FRMPD4: variants seen among roughly 807,000 people sequenced by gnomAD.
The protein encoded by FRMPD4 is FERM and PDZ domain containing 4.
A neutral mutation model predicts 94.1 loss-of-function variants in FRMPD4; 22 were observed. The ratio of observed to expected loss-of-function variants is 0.23; its 90% CI spans 0.17 to 0.33. The LOEUF is 0.33. Among genes scored for constraint, FRMPD4 ranks in the 10% least tolerant of loss-of-function variants. FRMPD4 has a pLI of 1.00. For missense variants in FRMPD4, 1,111 were observed against 1,339.9 expected (o/e 0.83, Z 2.67); for synonymous variants, 631 against 548.6 (o/e 1.15, Z -2.10).
At chrX:12,401,538 A>T (rs956974064) in intron 1 of FRMPD4, among the ~76,000 whole-genome samples, 3 of 111,527 alleles carry the variant, frequency 2.7e-5, no homozygotes, top group Non-Finnish European at 5.7e-5. Context: ...CTTATCTCCC[A>T]ACACTCTCCC....
intron 3 of FRMPD4, among the ~76,000 whole-genome samples, chrX:12,001,389 A>T (rs1395288688): frequency 1.8e-5 from 2 of 112,314 alleles, no homozygotes; most frequent in Non-Finnish European, 3.8e-5. Context: ...CTTGACAATC[A>T]CTCAGAACCT....
At chrX:12,676,944 C>T (rs1411165114) in intron 5 of FRMPD4, among the ~76,000 whole-genome samples, 1 of 111,903 alleles carries the variant, frequency 8.9e-6, no homozygotes, top group African/African-American at 3.3e-5. Flanking sequence ...TTTGACTTTC[C>T]TTTGACCACT....
intron 1 of FRMPD4, among the ~76,000 whole-genome samples, chrX:12,379,296 G>A (rs2056286195): frequency 8.9e-6 from 1 of 111,997 alleles, no homozygotes; most frequent in Non-Finnish European, 1.9e-5. Context: ...CTATAAACTT[G>A]TGCCTAGTAA....
rs376423451 is a variant in FRMPD4, at chrX:12,718,639, C to T, written c.3813C>T (p.His1271=). 168 of 1,208,156 alleles carry T rather than the reference C, an allele frequency of 1.4e-4. No homozygotes were observed. The highest frequency in any genetic ancestry group is 7.0e-4 in the South Asian group (40 of 56,758). Residue 1271 remains histidine (H), a synonymous_variant, in exon 16 of 17, where the codon CAC becomes CAT. Coordinates refer to ENST00000675598, the MANE Select transcript of FRMPD4 (RefSeq NM_001368397.1). The part of the protein sequence containing the change: ...SEERAPGLPN[H]GATFKELHPQ... ...AGAGAGCCCCTGGGCTTCCCAACCA[C>T]GGAGCCACCTTTAAGGAACTGCACC...
intron 3 of FRMPD4, among the ~76,000 whole-genome samples, chrX:11,999,170 C>T (rs1170731181): frequency 9.0e-6 from 1 of 111,354 alleles, no homozygotes; most frequent in Non-Finnish European, 1.9e-5. Flanking sequence ...AGATGGTTTC[C>T]TGTGGAACTG....
intron 3 of FRMPD4, among the ~76,000 whole-genome samples, chrX:11,886,843 T>G (rs1291987468): frequency 9.0e-6 from 1 of 111,133 alleles, no homozygotes; most frequent in Non-Finnish European, 1.9e-5. Flanking sequence ...TCAGAACTTT[T>G]GTACTAATTG....
intron 2 of FRMPD4, among the ~76,000 whole-genome samples, chrX:12,504,795 T>G (rs1033867654): frequency 8.9e-6 from 1 of 112,552 alleles, no homozygotes; most frequent in African/African-American, 3.2e-5. Flanking sequence ...GGCTGTTTCA[T>G]TTTCCCTATG....
At chrX:12,035,459 T>TA (rs1351909214) in intron 3 of FRMPD4, among the ~76,000 whole-genome samples, 1 of 112,104 alleles carries the variant, frequency 8.9e-6, no homozygotes, top group Non-Finnish European at 1.9e-5. Context: ...TATAACATGG[T>TA]AACTTTGAGC....
At chrX:12,198,592 T>A (rs1408289618) in intron 1 of FRMPD4, among the ~76,000 whole-genome samples, 3 of 111,790 alleles carry the variant, frequency 2.7e-5, no homozygotes, top group South Asian at 3.8e-4. Context: ...AGTGCCATTT[T>A]ACATCATTCT....
At chrX:12,175,639 G>A (rs1015536633) in intron 1 of FRMPD4, among the ~76,000 whole-genome samples, 2 of 111,820 alleles carry the variant, frequency 1.8e-5, no homozygotes, top group Admixed American at 9.5e-5. Context: ...TCAGCCTCCC[G>A]AGTAGCTGGG....
chrX:12,664,802 G>T (rs1044050557), intron 4 of FRMPD4, among the ~76,000 whole-genome samples: 1 of 111,747 alleles, frequency 8.9e-6, no homozygotes, highest in Non-Finnish European at 1.9e-5. Flanking sequence ...TTGTAACTCC[G>T]ATAGAATTTG....
chrX:12,439,808 G>A (rs746438522), intron 1 of FRMPD4, among the ~76,000 whole-genome samples: 63 of 111,776 alleles, frequency 5.6e-4, no homozygotes, highest in African/African-American at 2.0e-3. Context: ...TTAAAATGCC[G>A]TATTTTGACT....
chrX:11,840,284 C>A (rs1470619018), intron 1 of FRMPD4, among the ~76,000 whole-genome samples: 2 of 111,383 alleles, frequency 1.8e-5, no homozygotes, highest in Non-Finnish European at 3.8e-5. Flanking sequence ...AAATATTACA[C>A]TTCTTTTGTT....
intron 1 of FRMPD4, among the ~76,000 whole-genome samples, chrX:12,458,722 G>A (rs1384276378): frequency 9.0e-6 from 1 of 111,487 alleles, no homozygotes; most frequent in Non-Finnish European, 1.9e-5. Context: ...CAGCTTCAAG[G>A]GGAAGGGAAA....
intron 3 of FRMPD4, among the ~76,000 whole-genome samples, chrX:11,962,236 G>T (rs2054287694): frequency 8.9e-6 from 1 of 111,904 alleles, no homozygotes. Context: ...TAAAGTATTT[G>T]GTGTCTGGTG....
At chrX:12,233,308 A>G (rs2057033316) in intron 1 of FRMPD4, among the ~76,000 whole-genome samples, 2 of 111,947 alleles carry the variant, frequency 1.8e-5, no homozygotes, top group Middle Eastern at 4.7e-3. Flanking sequence ...AACAATGAAT[A>G]TTTTGCTTTT....
chrX:12,152,785 T>C (rs2055873905), intron 1 of FRMPD4, among the ~76,000 whole-genome samples: 1 of 110,567 alleles, frequency 9.0e-6, no homozygotes, highest in Non-Finnish European at 1.9e-5. Context: ...AAATGATCTG[T>C]TACTTTTTGC....
At chrX:12,020,964 T>C (rs1232239876) in intron 3 of FRMPD4, among the ~76,000 whole-genome samples, 1 of 112,101 alleles carries the variant, frequency 8.9e-6, no homozygotes, top group Non-Finnish European at 1.9e-5. Flanking sequence ...CAAATCTGTA[T>C]TGAAATAAAA....
intron 3 of FRMPD4, among the ~76,000 whole-genome samples, chrX:11,915,308 C>A (rs1457380071): frequency 1.8e-5 from 2 of 112,115 alleles, no homozygotes; most frequent in African/African-American, 6.5e-5. Context: ...AGTGGTTAAC[C>A]AAGTTTTCTA....
Sources: gnomAD v4.1 joint callset for allele counts (sites outside exome capture counted in the v4.1 genomes callset) on GRCh38, gnomAD v4.1.1 for gene constraint, MANE v1.5 for transcripts, NCBI Gene and HGNC (gene_info 2026-07-23, HGNC 2026-07-21) for gene names.